The following SLC9B1 variants were observed in gnomAD, a reference collection of about 807,000 sequenced individuals.
The protein encoded by SLC9B1 is sodium/hydrogen exchanger 9B1.
In SLC9B1, 32 loss-of-function variants were observed where a neutral mutation model predicts 51.7. The ratio of observed to expected loss-of-function variants is 0.62; its 90% CI spans 0.47 to 0.83. The LOEUF (loss-of-function observed/expected upper bound fraction) is 0.83, where lower values mean the gene tolerates loss of function less well. Among genes scored for constraint, SLC9B1 ranks in the 40% least tolerant of loss-of-function variants. The pLI, the probability that SLC9B1 is intolerant of heterozygous loss-of-function variation, is 0.00. For missense variants in SLC9B1, 406 were observed against 613.2 expected, an observed-to-expected ratio of 0.66 and a Z score of 3.57; for synonymous variants, 145 against 212.7, an observed-to-expected ratio of 0.68 and a Z score of 2.77.
chr4:102,969,755 A>C (rs972349127), intron 3 of SLC9B1, among the ~76,000 whole-genome samples: 16 of 152,222 alleles, frequency 1.1e-4, no homozygotes, highest in African/African-American at 3.9e-4. Context: ...CGATTAGATG[A>C]ATGGCTAACT....
intron 9 of SLC9B1, among the ~76,000 whole-genome samples, chr4:102,909,711 T>C (rs1439131292): frequency 7.2e-5 from 11 of 152,278 alleles, no homozygotes; most frequent in African/African-American, 2.7e-4. Flanking sequence ...CTTAAAAAAA[T>C]GTAAGGGGGT....
intron 1 of SLC9B1, among the ~76,000 whole-genome samples, chr4:103,016,296 C>A (rs1242073943): frequency 6.6e-6 from 1 of 152,042 alleles, no homozygotes; most frequent in South Asian, 2.1e-4. Flanking sequence ...TTCCACCCCC[C>A]TCTATTGGAT....
intron 10 of SLC9B1, 57 bp from the exon 11 acceptor site, chr4:102,905,707 A>G: frequency 6.6e-7 from 1 of 1,520,786 alleles, no homozygotes; most frequent in Non-Finnish European, 9.0e-7. Context: ...AGTGTTCTTC[A>G]TGCCCAGGAA....
At chr4:102,896,481 T>TA (rs1734545692), downstream of SLC9B1, among the ~76,000 whole-genome samples, 2 of 152,244 alleles carry the variant, frequency 1.3e-5, no homozygotes, top group Non-Finnish European at 2.9e-5. Context: ...GAAAGAGCAA[T>TA]AAAAAAATCC....
chr4:102,938,548 C>T (rs1736833112), intron 6 of SLC9B1, among the ~76,000 whole-genome samples: 1 of 152,150 alleles, frequency 6.6e-6, no homozygotes, highest in Non-Finnish European at 1.5e-5. Flanking sequence ...CAGAACACTC[C>T]ACCCAACAAC....
At chr4:103,006,004 C>CA (rs1226058881) in intron 1 of SLC9B1, among the ~76,000 whole-genome samples, 1 of 151,944 alleles carries the variant, frequency 6.6e-6, no homozygotes, top group East Asian at 1.9e-4. Flanking sequence ...AGAAAGATCT[C>CA]AAATTAACAA....
At chr4:102,931,295 GGGGAA>G (rs1368230663) in intron 7 of SLC9B1, among the ~76,000 whole-genome samples, 15 of 151,620 alleles carry the variant, frequency 9.9e-5, no homozygotes, top group Non-Finnish European at 1.9e-4. Context: ...AGAGAGAGAG[GGGGAA>G]GGGAAGGGAA....
intron 11 of SLC9B1, among the ~76,000 whole-genome samples, chr4:102,893,944 A>G (rs1233055416): frequency 6.6e-6 from 1 of 152,158 alleles, no homozygotes; most frequent in Non-Finnish European, 1.5e-5. Context: ...AATCTGACAT[A>G]CATATGAATG....
intron 1 of SLC9B1, among the ~76,000 whole-genome samples, chr4:103,000,013 G>A (rs922306865): frequency 2.0e-5 from 3 of 152,150 alleles, no homozygotes; most frequent in Non-Finnish European, 4.4e-5. Context: ...GCAAGCAGGG[G>A]AAAATGCCAG....
At chr4:102,959,528 G>T (rs1345105082) in intron 3 of SLC9B1, among the ~76,000 whole-genome samples, 2 of 149,268 alleles carry the variant, frequency 1.3e-5, no homozygotes, top group Non-Finnish European at 3.0e-5. Flanking sequence ...TTTGAGGAAA[G>T]ATATTTTTTA....
At chr4:102,908,157 G>A (rs370163109) in intron 9 of SLC9B1, among the ~76,000 whole-genome samples, 1 of 151,562 alleles carries the variant, frequency 6.6e-6, no homozygotes, top group Non-Finnish European at 1.5e-5. Flanking sequence ...TTAAAACAGT[G>A]GTGTTGGCAT....
chr4:103,019,223 C>T (rs2110553260), intron 1 of SLC9B1, among the ~76,000 whole-genome samples: 1 of 152,178 alleles, frequency 6.6e-6, no homozygotes, highest in South Asian at 2.1e-4. Context: ...GTCGCAGGAG[C>T]ATGTATGTGA....
chr4:102,980,963 T>C (rs1739322621), intron 3 of SLC9B1, among the ~76,000 whole-genome samples: 1 of 152,132 alleles, frequency 6.6e-6, no homozygotes, highest in African/African-American at 2.4e-5. Context: ...TACAAAATAG[T>C]TTCACTGCCC....
intron 3 of SLC9B1, among the ~76,000 whole-genome samples, chr4:102,950,886 T>C (rs1737519078): frequency 1.3e-5 from 2 of 152,226 alleles, no homozygotes; most frequent in Middle Eastern, 3.4e-3. Flanking sequence ...TCCCAGCTAC[T>C]TGGGAGGCTG....
chr4:102,943,478 C>T (rs1335577715), intron 6 of SLC9B1, among the ~76,000 whole-genome samples: 5 of 130,456 alleles, frequency 3.8e-5, no homozygotes, highest in Admixed American at 7.8e-5. Flanking sequence ...TGTATATATA[C>T]GTATCTATGT....
chr4:102,945,462 AC>A, intron 5 of SLC9B1, 142 bp from the exon 6 acceptor site: 1 of 763,836 alleles, frequency 1.3e-6, no homozygotes, highest in Non-Finnish European at 1.9e-6. Context: ...GTCCCACTGG[AC>A]TTTGAACTCT....
At chr4:103,000,217 C>T (rs1014167963) in intron 1 of SLC9B1, among the ~76,000 whole-genome samples, 2 of 152,148 alleles carry the variant, frequency 1.3e-5, no homozygotes, top group African/African-American at 4.8e-5. Flanking sequence ...TACTGTTCTG[C>T]CCTTGCCCTC....
chr4:103,011,792 C>T (rs148335416), intron 1 of SLC9B1, among the ~76,000 whole-genome samples: 71 of 152,276 alleles, frequency 4.7e-4, no homozygotes, highest in South Asian at 1.0e-3. Flanking sequence ...AGAAAGTTGA[C>T]GTGGCCCTAG....
At chr4:102,924,167 C>T (rs1355464984) in intron 7 of SLC9B1, among the ~76,000 whole-genome samples, 3 of 152,176 alleles carry the variant, frequency 2.0e-5, no homozygotes, top group African/African-American at 7.2e-5. Context: ...CACTACAAGG[C>T]TACAGTAACC....
Sources: gnomAD v4.1 joint callset for allele counts (sites outside exome capture counted in the v4.1 genomes callset) on GRCh38, gnomAD v4.1.1 for gene constraint, MANE v1.5 for transcripts, NCBI Gene and HGNC (gene_info 2026-07-23, HGNC 2026-07-21) for gene names.